Variants in RALGPS1 observed in about 807,000 individuals in gnomAD.
RALGPS1 encodes Ral GEF with PH domain and SH3 binding motif 1.
RALGPS1 carries 19 observed loss-of-function variants against 78.8 expected under a neutral mutation model. That is an observed-to-expected ratio of 0.24 (90% CI 0.17 to 0.35). The LOEUF is 0.35. RALGPS1 is among the 10% of genes least tolerant of loss of function. RALGPS1 has a pLI of 1.00. For missense variants in RALGPS1, 454 were observed against 688.3 expected (o/e 0.66, Z 3.81); for synonymous variants, 228 against 256.3 (o/e 0.89, Z 1.06).
intron 14 of RALGPS1, among the ~76,000 whole-genome samples, chr9:127,208,377 A>G (rs1015406485): frequency 1.3e-5 from 2 of 152,188 alleles, no homozygotes; most frequent in African/African-American, 4.8e-5. Flanking sequence ...GACAGACCCC[A>G]CCATGTTTAT....
intron 8 of RALGPS1, among the ~76,000 whole-genome samples, chr9:127,106,383 T>A (rs932983902): frequency 2.0e-5 from 3 of 152,230 alleles, no homozygotes; most frequent in Non-Finnish European, 4.4e-5. Context: ...GGACTGTTTA[T>A]TTCAGTCTCC....
chr9:126,928,503 C>G (rs1431051589), intron 1 of RALGPS1, among the ~76,000 whole-genome samples: 1 of 152,248 alleles, frequency 6.6e-6, no homozygotes, highest in South Asian at 2.1e-4. Context: ...CTATTCAGCT[C>G]CTATAGAACA....
chr9:126,941,740 T>C (rs367895609), intron 1 of RALGPS1, among the ~76,000 whole-genome samples: 7 of 152,192 alleles, frequency 4.6e-5, no homozygotes, highest in Non-Finnish European at 8.8e-5. Flanking sequence ...GCCCTGAGTT[T>C]ATGGACATTG....
chr9:127,028,958 C>A (rs1403283765), intron 4 of RALGPS1, among the ~76,000 whole-genome samples: 1 of 151,948 alleles, frequency 6.6e-6, no homozygotes, highest in African/African-American at 2.4e-5. Flanking sequence ...GAGACCAGAG[C>A]CAGCCCCTCT....
chr9:126,944,425 C>T (rs2037067730), intron 1 of RALGPS1, among the ~76,000 whole-genome samples: 1 of 152,100 alleles, frequency 6.6e-6, no homozygotes, highest in South Asian at 2.1e-4. Context: ...CCACAGTCCA[C>T]CTTAGATGGT....
At chr9:127,134,913 C>T (rs937638222) in intron 8 of RALGPS1, among the ~76,000 whole-genome samples, 6 of 152,220 alleles carry the variant, frequency 3.9e-5, no homozygotes, top group Non-Finnish European at 8.8e-5. Context: ...TCTCCACCCC[C>T]TCTCCGGCCC....
intron 17 of RALGPS1, 47 bp from the exon 18 acceptor site, chr9:127,214,704 C>T (rs1275347275): frequency 1.3e-6 from 2 of 1,566,080 alleles, no homozygotes; most frequent in Non-Finnish European, 1.7e-6. Flanking sequence ...ACCAGCTGAC[C>T]CTCCTACGTG....
intron 2 of RALGPS1, among the ~76,000 whole-genome samples, chr9:126,963,114 A>C (rs1320753980): frequency 6.6e-6 from 1 of 152,210 alleles, no homozygotes; most frequent in African/African-American, 2.4e-5. Flanking sequence ...GCTGCAGCAG[A>C]ATTGTCATTA....
intron 5 of RALGPS1, among the ~76,000 whole-genome samples, chr9:127,042,183 G>GT (rs2047377286): frequency 2.0e-5 from 3 of 151,958 alleles, no homozygotes; most frequent in African/African-American, 4.8e-5. Context: ...TAACTATTCT[G>GT]TTTTTTTATA....
chr9:126,983,861 C>T (rs530749091), intron 4 of RALGPS1, among the ~76,000 whole-genome samples: 2 of 152,130 alleles, frequency 1.3e-5, no homozygotes, highest in East Asian at 3.9e-4. Flanking sequence ...TTGGGTCAGT[C>T]TTTTTGGGAA....
chr9:127,203,021 C>T (rs769440589), intron 14 of RALGPS1, among the ~76,000 whole-genome samples: 2 of 152,194 alleles, frequency 1.3e-5, no homozygotes, highest in Non-Finnish European at 2.9e-5. Flanking sequence ...AGCGTTTAGT[C>T]AGGAGCAGCA....
chr9:126,942,577 T>C (rs987094508), intron 1 of RALGPS1, among the ~76,000 whole-genome samples: 1 of 152,212 alleles, frequency 6.6e-6, no homozygotes, highest in African/African-American at 2.4e-5. Context: ...GCAAATCTGT[T>C]TCTCTGTTTC....
chr9:126,951,719 A>T (rs1331466676), intron 1 of RALGPS1, among the ~76,000 whole-genome samples: 1 of 152,224 alleles, frequency 6.6e-6, no homozygotes, highest in Non-Finnish European at 1.5e-5. Context: ...GTCATACTGA[A>T]TGGGTAAAAA....
chr9:127,133,299 A>G (rs1173256880), intron 8 of RALGPS1, among the ~76,000 whole-genome samples: 40 of 152,236 alleles, frequency 2.6e-4, no homozygotes, highest in Admixed American at 2.6e-3. Flanking sequence ...AGCCTAGCAG[A>G]GAGTGAGAGT....
rs1470539891 is a variant in RALGPS1 at position 127,205,560 on chromosome 9, ATC to A, written c.1247+6498_1247+6499del. Among the ~76,000 whole-genome samples the A allele has an allele frequency of 5.3e-5, 8 of 152,304 alleles. No homozygotes were observed. The highest frequency in any genetic ancestry group is 1.9e-4 in the African/African-American group (8 of 41,552). ...TTGCTGCTTCATGGGTAGCTGGGAA[ATC>A]TCTGCCCACAGCTTCTCTGTCCAAT... On this transcript the variant is annotated intron_variant, in intron 14 of 18. Transcript: ENST00000259351. The surrounding 1 kb of genome is among the most constrained non-coding windows in gnomAD (Gnocchi z 4.0).
Position 127,170,221 on chromosome 9 carries a change from G to A in RALGPS1, c.842+1449G>A, listed in dbSNP as rs534195984. ...CACCAGGAAAGACCCTAAGGGGAAC[G>A]GATGTTCAAGCAGTGTCCCACCTGG... On this transcript the variant is annotated intron_variant, in intron 10 of 18. Transcript: ENST00000259351. Among the ~76,000 whole-genome samples, 397 of 152,250 alleles carry A rather than the reference G, an allele frequency of 2.6e-3. 1 individual carries two copies. The highest frequency in any genetic ancestry group is 4.2e-3 in the Non-Finnish European group (287 of 68,018).
At chr9:126,966,497 G>A (rs1206778476) in intron 3 of RALGPS1, among the ~76,000 whole-genome samples, 1 of 149,008 alleles carries the variant, frequency 6.7e-6, no homozygotes, top group Non-Finnish European at 1.5e-5. Context: ...TTCCAGCCTG[G>A]GTGACAGAGG....
intron 11 of RALGPS1, among the ~76,000 whole-genome samples, chr9:127,175,702 A>G (rs1261072493): frequency 4.9e-5 from 2 of 41,104 alleles, no homozygotes; most frequent in Admixed American, 5.0e-4. Context: ...TTTTTTTTTT[A>G]TCCTATAAAA....
chr9:127,040,387 G>A (rs57000998), intron 5 of RALGPS1, among the ~76,000 whole-genome samples: 57,332 of 151,978 alleles, frequency 0.38, 12,614 homozygotes, highest in Non-Finnish European at 0.48. Flanking sequence ...GGGCGACAGA[G>A]TGAAACGCTG....
Sources: gnomAD v4.1 joint callset for allele counts (sites outside exome capture counted in the v4.1 genomes callset) on GRCh38, gnomAD v4.1.1 for gene constraint, Gnocchi (gnomAD v3.1) non-coding constraint, MANE v1.5 for transcripts, NCBI Gene and HGNC (gene_info 2026-07-23, HGNC 2026-07-21) for gene names.